The following ZNF503 variants were observed in gnomAD, a reference collection of about 807,000 sequenced individuals.
ZNF503 encodes the protein zinc finger protein 503.
A neutral mutation model predicts 34.4 loss-of-function variants in ZNF503; 15 were observed. That is an observed-to-expected ratio of 0.44 (90% CI 0.29 to 0.67). The LOEUF is 0.67. ZNF503 is among the 30% of genes least tolerant of loss of function. ZNF503 has a pLI of 0.13. For synonymous variants in ZNF503, 580 were observed against 456.8 expected (o/e 1.27, Z -3.44); for missense variants, 1,007 against 926.8 (o/e 1.09, Z -1.12).
Position 75,398,767 on chromosome 10 carries a change from C to G in ZNF503, c.1923G>C (p.Ser641=), listed in dbSNP as rs1294740612. 7.0e-7 allele frequency: 1 copy of G among 1,419,010 alleles called. No homozygotes were observed. The highest frequency in any genetic ancestry group is 9.2e-7 in the Non-Finnish European group (1 of 1,091,076). 87.9% of individuals were successfully genotyped at this position (1,419,010 alleles called of 1,614,324 possible). The change falls in exon 2 of 2, where the codon TCG becomes TCC. Residue 641 remains serine (S), a synonymous_variant. Transcript: ENST00000372524. ...ALYGQRLTTA[S]ALGYQ is the part of the protein sequence containing the mutation. ...GCCGCCCTCACTGATACCCCAGCGC[C>G]GAGGCGGTGGTCAGTCTCTGTCCGT...
the ZNF503 span, among the ~76,000 whole-genome samples, chr10:75,349,905 C>G: frequency 6.6e-6 from 1 of 152,316 alleles, no homozygotes; most frequent in East Asian, 1.9e-4. Flanking sequence ...GAAAGCCTGT[C>G]GGAAATATAC....
Position 75,399,770 on chromosome 10 carries a change from A to C in ZNF503, c.920T>G (p.Leu307Arg). Residue 307 changes from leucine (L) to arginine (R), a missense_variant, in exon 2 of 2, where the codon CTG becomes CGG. Leu to Arg is a moderately radical substitution (Grantham distance 102). Coordinates refer to ENST00000372524, the MANE Select transcript of ZNF503 (RefSeq NM_032772.6). ...CGATGAACCGCCGCAGTCCGAGCCC[A>C]GAGCCTTGCCTCCCGGGCCCCCATC... ...HPDGGPGGKA[L>R]GSDCGGSSGS... The C allele has an allele frequency of 6.3e-7, 1 of 1,593,794 alleles. No individual in the cohort carries two copies. Among genetic ancestry groups the C allele is most frequent in the Non-Finnish European group, 8.5e-7 (1 of 1,173,758 alleles).
the ZNF503 span, among the ~76,000 whole-genome samples, chr10:75,320,299 T>C: frequency 6.6e-6 from 1 of 151,690 alleles, no homozygotes; most frequent in East Asian, 1.9e-4. Context: ...CTGGCCAATA[T>C]GGTGAAACCC....
At chr10:75,363,594 C>T in the ZNF503 span, among the ~76,000 whole-genome samples, 8 of 152,300 alleles carry the variant, frequency 5.3e-5, no homozygotes, top group East Asian at 1.5e-3. Flanking sequence ...TTTGAAATGC[C>T]CACCCAGGTC....
chr10:75,351,784 G>C, the ZNF503 span, among the ~76,000 whole-genome samples: 1 of 152,130 alleles, frequency 6.6e-6, no homozygotes. Flanking sequence ...AGTGGAAAGA[G>C]CCTGGACTTT....
At chr10:75,347,825 C>T in the ZNF503 span, among the ~76,000 whole-genome samples, 2 of 152,166 alleles carry the variant, frequency 1.3e-5, no homozygotes, top group African/African-American at 2.4e-5. Flanking sequence ...CCTGGAAGTC[C>T]CCAGCGAGCT....
In ZNF503 at chr10:75,401,357, G is replaced by GCCT. The variant is rs752148679; in HGVS notation, c.62_63insAGG (p.Gly27dup). On this transcript the variant is annotated inframe_insertion, in exon 1 of 2. Coordinates refer to ENST00000372524, the MANE Select transcript of ZNF503 (RefSeq NM_032772.6). The stretch of plus-strand genomic sequence containing the variant: ...GGTCTGCACCGCCGCCTCCGCCTCC[G>GCCT]CCGCCGCCGCCGCCGCTGTGCTTAC... The GCCT allele has an allele frequency of 3.4e-5, 50 of 1,489,680 alleles. No individual in the cohort carries two copies. The highest frequency in any genetic ancestry group is 2.0e-4 in the Middle Eastern group (1 of 4,998). The allele number at this position is 1,489,680 out of a possible 1,614,324, so 92.3% of individuals were successfully genotyped here.
chr10:75,336,288 G>C, the ZNF503 span, among the ~76,000 whole-genome samples: 1,436 of 151,300 alleles, frequency 9.5e-3, 25 homozygotes, highest in African/African-American at 0.034. Flanking sequence ...CACAATTTTA[G>C]GTCCAAATTA....
Position 75,401,236 on chromosome 10 carries a change from G to C in ZNF503, c.184C>G (p.Pro62Ala), listed in dbSNP as rs761662001. 1.7e-5 allele frequency: 27 copies of C among 1,607,642 alleles called. No individual in the cohort carries two copies. The highest frequency in any genetic ancestry group is 3.3e-4 in the Middle Eastern group (2 of 6,060). The change falls in exon 1 of 2, where the codon CCC becomes GCC. Residue 62 changes from proline (P) to alanine (A), a missense_variant. Transcript: ENST00000372524. ...TTGGCCTGGCGCAGGGGGTCAGAGGGGGGCACGGCGTGCACAAAAGGCTTG... is the reference window on the plus strand; with the variant it reads ...TTGGCCTGGCGCAGGGGGTCAGAGGCGGGCACGGCGTGCACAAAAGGCTTG... ...STKPFVHAVP[P>A]SDPLRQANRL...
At chr10:75,303,528 C>T in the ZNF503 span, among the ~76,000 whole-genome samples, 5 of 152,228 alleles carry the variant, frequency 3.3e-5, no homozygotes, top group East Asian at 9.6e-4. Context: ...GGCTGAACTG[C>T]TCTTGCCTCA....
chr10:75,385,124 G>C, the ZNF503 span, among the ~76,000 whole-genome samples: 17 of 152,168 alleles, frequency 1.1e-4, no homozygotes, highest in African/African-American at 4.1e-4. Context: ...ACAAAGAGGT[G>C]GCCATCTTAG....
chr10:75,345,208 G>A, the ZNF503 span, among the ~76,000 whole-genome samples: 3 of 152,148 alleles, frequency 2.0e-5, no homozygotes, highest in Non-Finnish European at 4.4e-5. Flanking sequence ...ACAGAGGTTG[G>A]GATATTTCAT....
chr10:75,374,458 C>G, the ZNF503 span, among the ~76,000 whole-genome samples: 1 of 152,222 alleles, frequency 6.6e-6, no homozygotes, highest in East Asian at 1.9e-4. Flanking sequence ...CAGATGGACT[C>G]CCACCTGGGG....
Position 75,399,269 on chromosome 10 carries a change from G to T in ZNF503, c.1421C>A (p.Pro474Gln). 1.3e-6 allele frequency: 2 copies of T among 1,598,116 alleles called. No homozygotes were observed. Among genetic ancestry groups the T allele is most frequent in the Non-Finnish European group, 1.7e-6 (2 of 1,172,822 alleles). The change falls in exon 2 of 2, where the codon CCG (proline) becomes CAG (glutamine). Residue 474 changes from proline (P) to glutamine (Q), a missense_variant. By Grantham distance (76) the Pro-to-Gln change is moderately conservative (BLOSUM62 -1). Coordinates refer to ENST00000372524, the MANE Select transcript of ZNF503 (RefSeq NM_032772.6). ...TAGCGAGGAGTGCACACCGTGCAGC[G>T]GGTGCGTGGGGTACACCAGCGGGTA... ...SGYPLVYPTH[P>Q]LHGVHSSLTA...
At chr10:75,309,008 A>AT in the ZNF503 span, among the ~76,000 whole-genome samples, 1 of 151,822 alleles carries the variant, frequency 6.6e-6, no homozygotes, top group Non-Finnish European at 1.5e-5. Context: ...CACCTGGCTA[A>AT]TTTTTTTGCA....
At chr10:75,334,743 C>T in the ZNF503 span, among the ~76,000 whole-genome samples, 1 of 152,190 alleles carries the variant, frequency 6.6e-6, no homozygotes, top group Non-Finnish European at 1.5e-5. Flanking sequence ...CTTATGCCAG[C>T]CCAGAAGTCT....
chr10:75,309,644 T>G, the ZNF503 span, among the ~76,000 whole-genome samples: 1 of 152,238 alleles, frequency 6.6e-6, no homozygotes, highest in Non-Finnish European at 1.5e-5. Context: ...ACAGTATAAT[T>G]TGAATATAAC....
At chr10:75,332,783 G>A in the ZNF503 span, among the ~76,000 whole-genome samples, 674 of 146,206 alleles carry the variant, frequency 4.6e-3, 5 homozygotes, top group African/African-American at 0.016. Flanking sequence ...AGAGAGCACC[G>A]GGTTGGGGGT....
downstream of ZNF503, among the ~76,000 whole-genome samples, chr10:75,394,759 C>T (rs1000677086): frequency 4.6e-5 from 7 of 152,188 alleles, no homozygotes; most frequent in Admixed American, 2.6e-4. Flanking sequence ...AGTGTGGAAA[C>T]AAGTGAGTGC....
Sources: gnomAD v4.1 joint callset for allele counts (sites outside exome capture counted in the v4.1 genomes callset) on GRCh38, gnomAD v4.1.1 for gene constraint, MANE v1.5 for transcripts, NCBI Gene and HGNC (gene_info 2026-07-23, HGNC 2026-07-21) for gene names.